The following FGF14 variants were observed in gnomAD, a reference collection of about 807,000 sequenced individuals.
The protein encoded by FGF14 is fibroblast growth factor 14, also known as fibroblast growth factor homologous factor 4.
FGF14 carries 5 observed loss-of-function variants against 25.5 expected under a neutral mutation model. The observed-to-expected ratio is 0.20, with a 90% CI of 0.10 to 0.41. FGF14 has a LOEUF of 0.41. FGF14 is among the 10% of genes least tolerant of loss of function. The pLI, the probability that FGF14 is intolerant of heterozygous loss-of-function variation, is 1.00. For synonymous variants in FGF14, 138 were observed against 118.3 expected, an observed-to-expected ratio of 1.17 and a Z score of -1.08; for missense variants, 222 against 320.1, an observed-to-expected ratio of 0.69 and a Z score of 2.34.
chr13:102,360,133 A>G (rs2057526260), intron 1 of FGF14, among the ~76,000 whole-genome samples: 1 of 152,218 alleles, frequency 6.6e-6, no homozygotes, highest in African/African-American at 2.4e-5. Context: ...TTATTAAGCA[A>G]TAATTAATAC....
intron 1 of FGF14, among the ~76,000 whole-genome samples, chr13:102,290,556 C>T (rs2054333371): frequency 1.3e-5 from 2 of 152,172 alleles, no homozygotes; most frequent in South Asian, 4.1e-4. Flanking sequence ...TTGAGAGAAA[C>T]ATATCTTTGG....
intron 1 of FGF14, among the ~76,000 whole-genome samples, chr13:101,981,026 G>C (rs1440491125): frequency 2.0e-5 from 3 of 151,180 alleles, no homozygotes; most frequent in African/African-American, 7.3e-5. Flanking sequence ...TGGATTGCCT[G>C]AGTTCAGGAG....
At chr13:101,775,184 C>T (rs1927714) in intron 3 of FGF14, among the ~76,000 whole-genome samples, 68,933 of 151,798 alleles carry the variant, frequency 0.45, 16,374 homozygotes, top group Middle Eastern at 0.53. Context: ...ATATAATGCA[C>T]ACACATGAAA....
At chr13:101,882,706 G>A (rs2045777394) in intron 1 of FGF14, among the ~76,000 whole-genome samples, 2 of 152,022 alleles carry the variant, frequency 1.3e-5, no homozygotes, top group South Asian at 4.1e-4. Flanking sequence ...TATTTAAGAA[G>A]TAACATTTTG....
intron 3 of FGF14, among the ~76,000 whole-genome samples, chr13:101,866,878 AGT>A (rs1250986424): frequency 6.6e-6 from 1 of 152,200 alleles, no homozygotes; most frequent in East Asian, 1.9e-4. Flanking sequence ...GTAGGGGCTG[AGT>A]GAACTGTGTC....
intron 1 of FGF14, among the ~76,000 whole-genome samples, chr13:102,211,525 T>C (rs754751727): frequency 6.6e-6 from 1 of 152,186 alleles, no homozygotes; most frequent in Non-Finnish European, 1.5e-5. Context: ...CCAAAACTTT[T>C]TGAAGTTAGA....
intron 3 of FGF14, among the ~76,000 whole-genome samples, chr13:101,747,561 C>A (rs560919800): frequency 3.9e-5 from 6 of 152,026 alleles, no homozygotes; most frequent in South Asian, 4.1e-4. Flanking sequence ...AAGAAAACGA[C>A]AAAAACTCAC....
intron 1 of FGF14, among the ~76,000 whole-genome samples, chr13:102,163,376 T>G (rs2047862339): frequency 1.3e-5 from 2 of 152,076 alleles, no homozygotes; most frequent in Non-Finnish European, 2.9e-5. Context: ...GAGGAAGGAT[T>G]TATTAAGCAC....
Position 101,827,837 on chromosome 13 carries a change from G to A in FGF14, c.408+40888C>T, listed in dbSNP as rs1247221568. ...CCAACATAGATCTTTATTACCATAA[G>A]ACATCTTCAAGTACTCAGAGTCATT... On this transcript the variant is annotated intron_variant, in intron 3 of 4. Coordinates refer to ENST00000376143, the MANE Select transcript of FGF14 (RefSeq NM_004115.4). Among the ~76,000 whole-genome samples, 6 of 150,188 alleles carry A rather than the reference G, an allele frequency of 4.0e-5. No individual in the cohort carries two copies. The Admixed American group carries it at 4.0e-4, about 10-fold the overall frequency.
In FGF14 at chr13:101,916,772, A is replaced by G. The variant is rs555253989; in HGVS notation, c.-127T>C. The G allele has an allele frequency of 4.8e-4, 388 of 804,604 alleles. 4 individuals are homozygous for G. The Admixed American group carries it at 9.4e-3, about 19-fold the overall frequency. 49.8% of individuals were successfully genotyped at this position (804,604 alleles called of 1,614,324 possible). ...GGCAGAGGAGGGGGTGCCAGGCGGG[A>G]CTGGGGAGAGGGGAAGGGGGGCTCA... is the stretch of plus-strand genomic sequence containing the variant. On this transcript the variant is annotated 5_prime_UTR_variant, in exon 1 of 5. Coordinates refer to ENST00000376143, the MANE Select transcript of FGF14 (RefSeq NM_004115.4).
At position 102,147,298 on chromosome 13, in the gene FGF14, T is replaced by C. The variant is rs115691136; in HGVS notation, c.208+254173A>G. Among the ~76,000 whole-genome samples the C allele has an allele frequency of 4.5e-3, 681 of 152,340 alleles. 4 individuals carry two copies. The highest frequency in any genetic ancestry group is 0.015 in the African/African-American group (626 of 41,588). On this transcript the variant is annotated intron_variant, in intron 1 of 4. Transcript: ENST00000376131. ...TGGTTTTCTGAACTCTTTGTCCAAA[T>C]TGATTCTGTCCTGAATTTGACCAGG...
At chr13:102,032,116 A>G (rs2041241448) in intron 1 of FGF14, among the ~76,000 whole-genome samples, 1 of 152,106 alleles carries the variant, frequency 6.6e-6, no homozygotes, top group South Asian at 2.1e-4. Flanking sequence ...GCTGGCCCAC[A>G]GCTCCACATT....
intron 2 of FGF14, among the ~76,000 whole-genome samples, chr13:101,871,697 A>G (rs1348926693): frequency 6.6e-6 from 1 of 152,068 alleles, no homozygotes; most frequent in African/African-American, 2.4e-5. Flanking sequence ...GTGGGGGGAA[A>G]GAAAACTCAC....
At chr13:102,357,054 G>A (rs1594937603) in intron 1 of FGF14, among the ~76,000 whole-genome samples, 1 of 151,008 alleles carries the variant, frequency 6.6e-6, no homozygotes, top group East Asian at 1.9e-4. Flanking sequence ...GAGGAGCAGG[G>A]ACTAGTGTAC....
chr13:102,273,875 G>A (rs1381998707), intron 1 of FGF14, among the ~76,000 whole-genome samples: 2 of 149,886 alleles, frequency 1.3e-5, no homozygotes, highest in African/African-American at 2.5e-5. Context: ...GGAGTTCAAG[G>A]CTGCAGTGAA....
chr13:101,771,357 T>C (rs1008161626), intron 3 of FGF14, among the ~76,000 whole-genome samples: 2 of 124,658 alleles, frequency 1.6e-5, no homozygotes, highest in African/African-American at 2.6e-5. Flanking sequence ...TAATCGTCAA[T>C]GTGAAAAATG....
intron 1 of FGF14, among the ~76,000 whole-genome samples, chr13:101,881,867 A>C (rs567894325): frequency 1.3e-5 from 2 of 152,306 alleles, no homozygotes; most frequent in South Asian, 4.1e-4. Context: ...ACCAAACACT[A>C]AAAGACACTT....
chr13:102,198,839 T>G (rs1018273476), intron 1 of FGF14, among the ~76,000 whole-genome samples: 1 of 152,170 alleles, frequency 6.6e-6, no homozygotes. Flanking sequence ...ATCTCTGACA[T>G]GGCTTATGGA....
chr13:102,242,694 T>C (rs1035324182), intron 1 of FGF14, among the ~76,000 whole-genome samples: 4 of 152,094 alleles, frequency 2.6e-5, no homozygotes, highest in Non-Finnish European at 5.9e-5. Context: ...GTTTCCAACA[T>C]ATGCTTTTGG....
Sources: gnomAD v4.1 joint callset for allele counts (sites outside exome capture counted in the v4.1 genomes callset) on GRCh38, gnomAD v4.1.1 for gene constraint, MANE v1.5 for transcripts, NCBI Gene and HGNC (gene_info 2026-07-23, HGNC 2026-07-21) for gene names.